MAP1LC3A: variants seen among roughly 807,000 people sequenced by gnomAD.
MAP1LC3A encodes microtubule associated protein 1 light chain 3 alpha.
Under a neutral mutation model 15.2 loss-of-function variants are expected in MAP1LC3A, and 10 were observed. The observed-to-expected ratio is 0.66, with a 90% CI of 0.41 to 1.12. The LOEUF (loss-of-function observed/expected upper bound fraction) is 1.12. MAP1LC3A is among the 50% of genes most tolerant of loss of function. MAP1LC3A has a pLI of 0.00. For missense variants in MAP1LC3A, 138 were observed against 167.3 expected, an observed-to-expected ratio of 0.82 and a Z score of 0.97; for synonymous variants, 63 against 64.3, an observed-to-expected ratio of 0.98 and a Z score of 0.10.
chr20:34,556,331 GT>G (rs1230443242), upstream of MAP1LC3A, among the ~76,000 whole-genome samples: 1 of 152,218 alleles, frequency 6.6e-6, no homozygotes, highest in Non-Finnish European at 1.5e-5. Context: ...CACCCTAGTA[GT>G]TGGGTCATTT....
Position 34,550,093 on chromosome 20 carries a change from G to C in MAP1LC3A, c.52+64G>C, listed in dbSNP as rs569089773. On this transcript the variant is annotated intron_variant, in intron 2 of 4. Transcript: ENST00000374837. ...GGGCCTATGGTCTGTCCACACTCGCGGTCATCAGTGGCCAAGCAGGCCAGG... is the reference window on the plus strand; with the variant it reads ...GGGCCTATGGTCTGTCCACACTCGCCGTCATCAGTGGCCAAGCAGGCCAGG... 1.6e-4 allele frequency: 239 copies of C among 1,511,642 alleles called. 3 individuals are homozygous for C. The South Asian group carries it at 2.5e-3, about 16-fold the overall frequency. 93.6% of individuals were successfully genotyped at this position (1,511,642 alleles called of 1,614,324 possible).
chr20:34,558,748 C>A lies in MAP1LC3A; in HGVS notation c.-121C>A, dbSNP rs560571279. ...AGTTACCTCCCGCAGCCGCAGCCGC[C>A]GTGCTCAGCGCGAGCCCCGGAGCCC... On this transcript the variant is annotated 5_prime_UTR_variant, in exon 1 of 4. Transcript: ENST00000360668. This position sits in a 1 kb window ranked among gnomAD's most constrained non-coding sequence, Gnocchi z 4.3. 2 of 1,319,930 alleles carry A rather than the reference C, an allele frequency of 1.5e-6. No homozygotes were observed. The highest frequency in any genetic ancestry group is 4.2e-5 in the Admixed American group (1 of 23,768). The allele number at this position is 1,319,930 out of a possible 1,614,324, so 81.8% of individuals were successfully genotyped here. A position where few individuals can be genotyped will look rare whatever the true frequency, so the allele number is the denominator to read the frequency against.
chr20:34,549,842 C>T (rs867586419), intron 1 of MAP1LC3A: 2 of 694,494 alleles, frequency 2.9e-6, no homozygotes, highest in South Asian at 3.4e-5. Context: ...TCTTCAATCT[C>T]GTCCAGAGTC....
upstream of MAP1LC3A, chr20:34,558,285 G>A: frequency 1.0e-6 from 1 of 985,754 alleles, no homozygotes; most frequent in Non-Finnish European, 1.2e-6. This position sits in a 1 kb window ranked among gnomAD's most constrained non-coding sequence, Gnocchi z 4.3. Context: ...CTAGCATCCT[G>A]TTCTATCCTG....
chr20:34,559,159 G>T (rs1238839540), intron 1 of MAP1LC3A, 49 bp from the exon 2 acceptor site: 1 of 1,496,486 alleles, frequency 6.7e-7, no homozygotes, highest in Non-Finnish European at 8.9e-7. Context: ...CAGGCGGGGC[G>T]GACCTGGGCC....
upstream of MAP1LC3A, chr20:34,558,612 T>G (rs1486767862): frequency 2.5e-6 from 3 of 1,215,154 alleles, no homozygotes; most frequent in Non-Finnish European, 2.0e-6. This position sits in a 1 kb window ranked among gnomAD's most constrained non-coding sequence, Gnocchi z 4.3. Context: ...GGACCCAGGC[T>G]CTCTGCGCCG....
At chr20:34,553,046 G>A (rs1463607139) in intron 2 of MAP1LC3A, among the ~76,000 whole-genome samples, 3 of 152,086 alleles carry the variant, frequency 2.0e-5, no homozygotes, top group Non-Finnish European at 4.4e-5. Flanking sequence ...AAAATTAGCT[G>A]GGCATGGTGA....
chr20:34,550,023 G>A (rs983157036), exon 2 of MAP1LC3A: 1 of 1,614,168 alleles, frequency 6.2e-7, no homozygotes, highest in Admixed American at 1.7e-5. Flanking sequence ...AGCAGCTGTG[G>A]ACCCAGGTCT....
At chr20:34,557,815 C>T (rs1197628172), upstream of MAP1LC3A, among the ~76,000 whole-genome samples, 1 of 152,110 alleles carries the variant, frequency 6.6e-6, no homozygotes, top group Non-Finnish European at 1.5e-5. Flanking sequence ...ATCCCAGCTA[C>T]TGAGGAGGCT....
chr20:34,558,878 G>T lies in MAP1LC3A; in HGVS notation c.10G>T (p.Asp4Tyr). The change falls in exon 1 of 4, where the codon GAC becomes TAC. Residue 4 changes from aspartate to tyrosine, a missense_variant. Coordinates refer to ENST00000360668, the MANE Select transcript of MAP1LC3A (RefSeq NM_032514.4). This position sits in a 1 kb window ranked among gnomAD's most constrained non-coding sequence, Gnocchi z 4.3. The stretch of plus-strand genomic sequence containing the variant: ...CAGCCGGGCCCGCGCGATGCCCTCA[G>T]ACCGGCCTTTCAAGCAGCGGCGGAG... The part of the protein sequence containing the change: MPS[D>Y]RPFKQRRSFA... 1 of 1,432,450 alleles carries T rather than the reference G, an allele frequency of 7.0e-7. No homozygotes were observed. The highest frequency in any genetic ancestry group is 1.4e-5 in the South Asian group (1 of 72,032). The allele number at this position is 1,432,450 out of a possible 1,614,324, so 88.7% of individuals were successfully genotyped here.
In MAP1LC3A at chr20:34,558,730, TC is replaced by T; in HGVS notation, c.-136del. On this transcript the variant is annotated 5_prime_UTR_variant, in exon 1 of 4. Coordinates refer to ENST00000360668, the MANE Select transcript of MAP1LC3A (RefSeq NM_032514.4). The surrounding 1 kb of genome is among the most constrained non-coding windows in gnomAD (Gnocchi z 4.3). Reference sequence around the variant, plus strand: ...ACCTGACGTCACCGGGCGAGTTACCTCCCGCAGCCGCAGCCGCCGTGCTCAG... The same window carrying T: ...ACCTGACGTCACCGGGCGAGTTACCTCCGCAGCCGCAGCCGCCGTGCTCAG... 3.1e-6 allele frequency: 4 copies of T among 1,297,138 alleles called. No individual in the cohort carries two copies. The highest frequency in any genetic ancestry group is 3.9e-6 in the Non-Finnish European group (4 of 1,026,468). 80.4% of individuals were successfully genotyped at this position (1,297,138 alleles called of 1,614,324 possible).
chr20:34,558,653 G>A (rs73259139), upstream of MAP1LC3A: 4,092 of 1,232,334 alleles, frequency 3.3e-3, 109 homozygotes, highest in African/African-American at 0.055. This position sits in a 1 kb window ranked among gnomAD's most constrained non-coding sequence, Gnocchi z 4.3. Flanking sequence ...GGCGGGTTGT[G>A]CGTCGGCCCA....
At chr20:34,550,907 A>G (rs947998325) in intron 2 of MAP1LC3A, among the ~76,000 whole-genome samples, 5 of 152,198 alleles carry the variant, frequency 3.3e-5, no homozygotes, top group South Asian at 2.1e-4. Context: ...GCATCCATCA[A>G]TGGAAAAACT....
chr20:34,554,581 C>T (rs1373860612), upstream of MAP1LC3A, among the ~76,000 whole-genome samples: 1 of 151,764 alleles, frequency 6.6e-6, no homozygotes, highest in East Asian at 1.9e-4. Context: ...ACCATGTTGG[C>T]CAGGATGGTC....
chr20:34,551,066 T>C (rs6120675), intron 2 of MAP1LC3A, among the ~76,000 whole-genome samples: 67,090 of 151,270 alleles, frequency 0.44, 15,392 homozygotes, highest in Non-Finnish European at 0.5. Flanking sequence ...GGCAATATAG[T>C]GAAACCCTGT....
At chr20:34,556,963 AGAGT>A (rs1982184465), upstream of MAP1LC3A, among the ~76,000 whole-genome samples, 1 of 152,208 alleles carries the variant, frequency 6.6e-6, no homozygotes, top group African/African-American at 2.4e-5. Context: ...CTCTCTTCAC[AGAGT>A]TCCTCCTCGC....
At chr20:34,549,120 G>C (rs1981852089) in intron 1 of MAP1LC3A, among the ~76,000 whole-genome samples, 1 of 152,218 alleles carries the variant, frequency 6.6e-6, no homozygotes, top group Non-Finnish European at 1.5e-5. Context: ...CCGCCTCCCG[G>C]GTTCAAGTGA....
At chr20:34,556,893 G>A (rs138077438), upstream of MAP1LC3A, among the ~76,000 whole-genome samples, 436 of 152,282 alleles carry the variant, frequency 2.9e-3, 2 homozygotes, top group African/African-American at 0.01. Flanking sequence ...GAGCCACTGC[G>A]CCTGGCCTAT....
upstream of MAP1LC3A, among the ~76,000 whole-genome samples, chr20:34,556,256 C>T (rs896236333): frequency 1.6e-4 from 25 of 152,162 alleles, no homozygotes; most frequent in South Asian, 2.1e-4. Flanking sequence ...GGAGCTTACG[C>T]GGCTTTTGTC....
Sources: allele counts gnomAD v4.1 joint callset (sites outside exome capture counted in the v4.1 genomes callset), GRCh38; gene constraint gnomAD v4.1.1; non-coding constraint Gnocchi (gnomAD v3.1); transcripts MANE v1.5; gene names NCBI Gene and HGNC (gene_info 2026-07-23, HGNC 2026-07-21).